The following YTHDF1 variants were observed in gnomAD, a reference collection of about 807,000 sequenced individuals.
The protein encoded by YTHDF1 is YTH N6-methyladenosine RNA binding protein F1.
In YTHDF1, 16 loss-of-function variants were observed where a neutral mutation model predicts 49.1. That is an observed-to-expected ratio of 0.33 (90% confidence interval 0.22 to 0.49). The LOEUF (loss-of-function observed/expected upper bound fraction) is 0.49, where lower values mean the gene tolerates loss of function less well. YTHDF1 is among the 20% of genes least tolerant of loss of function. The pLI is 0.99. For synonymous variants in YTHDF1, 313 were observed against 290.1 expected, an observed-to-expected ratio of 1.08 and a Z score of -0.80; for missense variants, 621 against 744.3, an observed-to-expected ratio of 0.83 and a Z score of 1.93.
At chr20:63,211,563 C>A (rs1280499180) in intron 3 of YTHDF1, among the ~76,000 whole-genome samples, 1 of 152,180 alleles carries the variant, frequency 6.6e-6, no homozygotes, top group Non-Finnish European at 1.5e-5. Context: ...TAAAACCATA[C>A]TGTATACTCT....
At chr20:63,200,739 G>A (rs924851982) in intron 4 of YTHDF1, among the ~76,000 whole-genome samples, 5 of 152,146 alleles carry the variant, frequency 3.3e-5, no homozygotes, top group Admixed American at 2.6e-4. Context: ...TCAGGAGTCC[G>A]CACACTTTAT....
rs1027079009 is a variant in YTHDF1 at position 63,213,789 on chromosome 20, T to C, written c.132+75A>G. Reference sequence around the variant, plus strand: ...TTTGTTGTTTAGGATAATTTAAAAATCAGAAATGACAGTAAAGGTACAAAA... The same window carrying C: ...TTTGTTGTTTAGGATAATTTAAAAACCAGAAATGACAGTAAAGGTACAAAA... On this transcript the variant is annotated intron_variant, in intron 3 of 4. Coordinates refer to ENST00000370339, the MANE Select transcript of YTHDF1 (RefSeq NM_017798.4). 5.3e-6 allele frequency: 7 copies of C among 1,332,906 alleles called. No homozygotes were observed. The African/African-American group carries it at 9.0e-5, about 17-fold the overall frequency. 82.6% of individuals were successfully genotyped at this position (1,332,906 alleles called of 1,614,324 possible).
Position 63,203,014 on chromosome 20 carries a change from G to T in YTHDF1, c.926C>A (p.Pro309His). The T allele has an allele frequency of 2.5e-6, 4 of 1,611,340 alleles. No individual in the cohort carries two copies. Among genetic ancestry groups the T allele is most frequent in the Middle Eastern group, 3.3e-4 (2 of 6,056 alleles). Reference protein sequence around the residue: ...QQVAQPLPAQPPALAQPQYQS... With the variant: ...QQVAQPLPAQHPALAQPQYQS... ...ATACTGCGGTTGAGCCAAAGCTGGGGGCTGTGCTGGGAGAGGCTGAGCCAC... is the reference window on the plus strand; with the variant it reads ...ATACTGCGGTTGAGCCAAAGCTGGGTGCTGTGCTGGGAGAGGCTGAGCCAC... The change falls in exon 4 of 5, where the codon CCC becomes CAC. Residue 309 changes from proline to histidine, a missense_variant. Coordinates refer to ENST00000370339, the MANE Select transcript of YTHDF1 (RefSeq NM_017798.4). The surrounding 1 kb of genome is among the most constrained non-coding windows in gnomAD (Gnocchi z 4.4).
intron 2 of YTHDF1, among the ~76,000 whole-genome samples, chr20:63,214,438 T>C (rs945203598): frequency 9.2e-5 from 14 of 152,212 alleles, no homozygotes; most frequent in African/African-American, 2.9e-4. Context: ...TCAGTTAATT[T>C]AGAAAATTTA....
chr20:63,208,406 T>C (rs1380396772), intron 3 of YTHDF1, among the ~76,000 whole-genome samples: 1 of 152,174 alleles, frequency 6.6e-6, no homozygotes, highest in Non-Finnish European at 1.5e-5. Context: ...GGAGAAGCCT[T>C]AGGGAGCACA....
chr20:63,214,899 G>C (rs1427089466), intron 2 of YTHDF1, among the ~76,000 whole-genome samples: 1 of 152,236 alleles, frequency 6.6e-6, no homozygotes, highest in African/African-American at 2.4e-5. Flanking sequence ...TTGGCTCAGT[G>C]ATTTGGGTGC....
chr20:63,205,147 C>T (rs1366132887), intron 3 of YTHDF1, among the ~76,000 whole-genome samples: 2 of 152,188 alleles, frequency 1.3e-5, no homozygotes, highest in African/African-American at 2.4e-5. Flanking sequence ...TGCTCCAGAC[C>T]TCATCTCACA....
Position 63,215,901 on chromosome 20 carries a change from A to T in YTHDF1, c.-9T>A, listed in dbSNP as rs748692823. 38 of 1,433,436 alleles carry T rather than the reference A, an allele frequency of 2.7e-5. No homozygotes were observed. Among genetic ancestry groups the T allele is most frequent in the Non-Finnish European group, 3.4e-5 (37 of 1,091,538 alleles). 88.8% of individuals were successfully genotyped at this position (1,433,436 alleles called of 1,614,324 possible). A position where few individuals can be genotyped will look rare whatever the true frequency, so the allele number is the denominator to read the frequency against. ...ACGCTGGTGGCCGACATGCTTCATG[A>T]ACAACTAGACGCGGGGCCGGGGCGC... On this transcript the variant is annotated 5_prime_UTR_variant, in exon 1 of 5. Transcript: ENST00000370339.
In YTHDF1 at chr20:63,196,653, G is replaced by A; in HGVS notation, c.*55C>T. On this transcript the variant is annotated 3_prime_UTR_variant, in exon 5 of 5. Coordinates refer to ENST00000370339, the MANE Select transcript of YTHDF1 (RefSeq NM_017798.4). Reference sequence around the variant, plus strand: ...ACACTGGAGCTGACCAAGCACACGTGTTTTAAACTGTTTTCAAAGTCAAAC... The same window carrying A: ...ACACTGGAGCTGACCAAGCACACGTATTTTAAACTGTTTTCAAAGTCAAAC... The A allele has an allele frequency of 1.2e-6, 2 of 1,610,572 alleles. No homozygotes were observed. Among genetic ancestry groups the A allele is most frequent in the Non-Finnish European group, 1.7e-6 (2 of 1,177,426 alleles).
rs1276723382 is a variant in YTHDF1, at chr20:63,200,929, C to T, written c.1653+1358G>A. Among the ~76,000 whole-genome samples, 3 of 152,060 alleles carry T rather than the reference C, an allele frequency of 2.0e-5. No homozygotes were observed. The East Asian group carries it at 5.8e-4, about 29-fold the overall frequency. On this transcript the variant is annotated intron_variant, in intron 4 of 4. Coordinates refer to ENST00000370339, the MANE Select transcript of YTHDF1 (RefSeq NM_017798.4). ...TAATCCGAGCTATTGTCTGTAATCC[C>T]AGCTACCTGGAAGGCTAAGGCAGGA...
chr20:63,214,385 T>C (rs1390691632), intron 2 of YTHDF1, among the ~76,000 whole-genome samples: 1 of 152,204 alleles, frequency 6.6e-6, no homozygotes, highest in Non-Finnish European at 1.5e-5. Context: ...TGGGAGCTAT[T>C]ATCTGACTCT....
intron 3 of YTHDF1, among the ~76,000 whole-genome samples, chr20:63,211,832 C>A (rs1226517172): frequency 1.3e-5 from 2 of 152,104 alleles, no homozygotes; most frequent in Non-Finnish European, 1.5e-5. Flanking sequence ...TGGTGCATGC[C>A]TGTAGTCCCA....
rs751660427 is a variant in YTHDF1, at chr20:63,203,409, G to A, written c.531C>T (p.Ala177=). The A allele has an allele frequency of 1.9e-6, 3 of 1,612,998 alleles. No individual in the cohort carries two copies. The highest frequency in any genetic ancestry group is 2.5e-6 in the Non-Finnish European group (3 of 1,179,746). The change falls in exon 4 of 5, where the codon GCC becomes GCT. Residue 177 remains alanine, a synonymous_variant. Transcript: ENST00000370339. The surrounding 1 kb of genome is among the most constrained non-coding windows in gnomAD (Gnocchi z 4.4). ...PGFHSDTLSK[A]PGMNSLEQGM... is the part of the protein sequence containing the mutation. ...CCTGCTCCAGGCTGTTCATCCCGGG[G>A]GCCTTGCTGAGGGTGTCGCTGTGAA...
At position 63,203,935 on chromosome 20, in the gene YTHDF1, G is replaced by C. The variant is rs2066532481; in HGVS notation, c.133-128C>G. On this transcript the variant is annotated intron_variant, in intron 3 of 4. Coordinates refer to ENST00000370339, the MANE Select transcript of YTHDF1 (RefSeq NM_017798.4). The surrounding 1 kb of genome is among the most constrained non-coding windows in gnomAD (Gnocchi z 4.4). ...GCACAGCATGGGGCTACTCCTTCCA[G>C]AAAGAAAGCTGTAGTCGCCAATGTG... 3 of 855,082 alleles carry C rather than the reference G, an allele frequency of 3.5e-6. No homozygotes were observed. The Admixed American group carries it at 9.1e-5, about 26-fold the overall frequency. The allele number at this position is 855,082 out of a possible 1,614,324, so 53.0% of individuals were successfully genotyped here.
intron 3 of YTHDF1, among the ~76,000 whole-genome samples, chr20:63,207,238 G>T (rs1011820135): frequency 1.3e-5 from 2 of 152,162 alleles, no homozygotes; most frequent in African/African-American, 4.8e-5. Flanking sequence ...GGAGGCTGAG[G>T]TGGACGGATC....
In YTHDF1 at chr20:63,215,899, T is replaced by C; in HGVS notation, c.-7A>G. ...CCACGCTGGTGGCCGACATGCTTCA[T>C]GAACAACTAGACGCGGGGCCGGGGC... On this transcript the variant is annotated 5_prime_UTR_variant, in exon 1 of 5. It removes an upstream start codon present in the reference 5' UTR. Transcript: ENST00000370339. 2 of 1,434,134 alleles carry C rather than the reference T, an allele frequency of 1.4e-6. No individual in the cohort carries two copies. Among genetic ancestry groups the C allele is most frequent in the Non-Finnish European group, 1.8e-6 (2 of 1,091,744 alleles). The allele number at this position is 1,434,134 out of a possible 1,614,324, so 88.8% of individuals were successfully genotyped here. A position where few individuals can be genotyped will look rare whatever the true frequency, so the allele number is the denominator to read the frequency against.
rs756532410 is a variant in YTHDF1 at position 63,203,357 on chromosome 20, C to T, written c.583G>A (p.Val195Ile). The stretch of plus-strand genomic sequence containing the variant: ...ACCGTCTTGACGGCGGAGGAGCTGA[C>T]GTCCCCAATCTTCAGGCCAACCATG... ...QGMVGLKIGD[V>I]SSSAVKTVGS... Residue 195 changes from valine (V) to isoleucine (I), a missense_variant, in exon 4 of 5, where the codon GTC (valine) becomes ATC (isoleucine). Val to Ile is a conservative substitution (Grantham distance 29). Coordinates refer to ENST00000370339, the MANE Select transcript of YTHDF1 (RefSeq NM_017798.4). The surrounding 1 kb of genome is among the most constrained non-coding windows in gnomAD (Gnocchi z 4.4). The T allele has an allele frequency of 1.5e-5, 24 of 1,612,960 alleles. No individual in the cohort carries two copies. Among genetic ancestry groups the T allele is most frequent in the East Asian group, 1.3e-4 (6 of 44,882 alleles).
At chr20:63,215,441 G>T in intron 2 of YTHDF1, 136 bp downstream of exon 2, 1 of 1,187,460 alleles carries the variant, frequency 8.4e-7, no homozygotes, top group Non-Finnish European at 1.2e-6. Context: ...CAGAATCGTC[G>T]CACAACCTCA....
chr20:63,203,446 C>T lies in YTHDF1; in HGVS notation c.494G>A (p.Gly165Glu). 1 of 1,612,728 alleles carries T rather than the reference C, an allele frequency of 6.2e-7. No individual in the cohort carries two copies. Among genetic ancestry groups the T allele is most frequent in the Non-Finnish European group, 8.5e-7 (1 of 1,179,526 alleles). ...PSSLGGTVVD[G>E]QPGFHSDTLS... Reference sequence around the variant, plus strand: ...GGTGTCGCTGTGAAAGCCTGGCTGCCCATCAACCACCGTGCCACCCAGGGA... The same window carrying T: ...GGTGTCGCTGTGAAAGCCTGGCTGCTCATCAACCACCGTGCCACCCAGGGA... The change falls in exon 4 of 5, where the codon GGG (glycine) becomes GAG (glutamate). Residue 165 changes from glycine (G) to glutamate (E), a missense_variant. By Grantham distance (98) the Gly-to-Glu change is moderately conservative. Transcript: ENST00000370339. The surrounding 1 kb of genome is among the most constrained non-coding windows in gnomAD (Gnocchi z 4.4).
Sources: gnomAD v4.1 joint callset for allele counts (sites outside exome capture counted in the v4.1 genomes callset) on GRCh38, gnomAD v4.1.1 for gene constraint, Gnocchi (gnomAD v3.1) non-coding constraint, MANE v1.5 for transcripts, NCBI Gene and HGNC (gene_info 2026-07-23, HGNC 2026-07-21) for gene names.